The following CFAP61 variants were observed in gnomAD, a reference collection of about 807,000 sequenced individuals.
CFAP61 encodes the protein cilia and flagella associated protein 61.
CFAP61 carries 107 observed loss-of-function variants against 135.6 expected under a neutral mutation model. The ratio of observed to expected loss-of-function variants is 0.79; its 90% CI spans 0.67 to 0.93. CFAP61 has a LOEUF of 0.93. Ranked by LOEUF, CFAP61 falls within the 40% of genes least tolerant of loss-of-function variation. CFAP61 has a pLI of 0.00. For missense variants in CFAP61, 1,507 were observed against 1,556.2 expected (o/e 0.97, Z 0.53); for synonymous variants, 575 against 578.5 (o/e 0.99, Z 0.09).
intron 26 of CFAP61, among the ~76,000 whole-genome samples, chr20:20,355,757 C>G (rs1414631781): frequency 2.0e-5 from 2 of 102,496 alleles, no homozygotes; most frequent in Non-Finnish European, 3.7e-5. Flanking sequence ...ACACTATGAG[C>G]AGAGATGGTC....
intron 26 of CFAP61, among the ~76,000 whole-genome samples, chr20:20,348,883 A>G (rs192345784): frequency 6.6e-6 from 1 of 152,072 alleles, no homozygotes. Flanking sequence ...AGATAACATT[A>G]CACTCAGTAA....
intron 25 of CFAP61, among the ~76,000 whole-genome samples, chr20:20,305,112 G>T (rs112202027): frequency 2.0e-5 from 3 of 151,994 alleles, no homozygotes; most frequent in Non-Finnish European, 4.4e-5. Flanking sequence ...CCTCGCGCCC[G>T]CGCCACCACC....
At chr20:20,158,473 A>G (rs939877292) in intron 9 of CFAP61, among the ~76,000 whole-genome samples, 10 of 152,144 alleles carry the variant, frequency 6.6e-5, no homozygotes, top group African/African-American at 2.4e-4. Context: ...CTACACGTCT[A>G]TTAGAATGAC....
intron 25 of CFAP61, among the ~76,000 whole-genome samples, chr20:20,325,961 T>G (rs968274620): frequency 2.0e-5 from 3 of 152,216 alleles, no homozygotes; most frequent in Non-Finnish European, 2.9e-5. Flanking sequence ...TTGACCATTT[T>G]GGGATCAATA....
Position 20,284,507 on chromosome 20 carries a change from G to A in CFAP61, c.2797-4102G>A, listed in dbSNP as rs549161807. On this transcript the variant is annotated intron_variant, in intron 22 of 26. Coordinates refer to ENST00000245957, the MANE Select transcript of CFAP61 (RefSeq NM_015585.4). The stretch of plus-strand genomic sequence containing the variant: ...TCACCGTGTTATCCAGGATGGTCTC[G>A]ATCTCCTGACTTCGTGATCCGCCTG... Among the ~76,000 whole-genome samples the A allele has an allele frequency of 1.4e-3, 215 of 152,102 alleles. 3 individuals carry two copies. The highest frequency in any genetic ancestry group is 3.2e-3 in the Admixed American group (49 of 15,276).
intron 8 of CFAP61, among the ~76,000 whole-genome samples, chr20:20,130,673 AG>A (rs2146719313): frequency 6.6e-6 from 1 of 151,844 alleles, no homozygotes; most frequent in Admixed American, 6.5e-5. Flanking sequence ...AAACAGTCAG[AG>A]TGCCACCCAT....
intron 8 of CFAP61, among the ~76,000 whole-genome samples, chr20:20,106,000 C>CTACA (rs2048359862): frequency 1.9e-5 from 2 of 102,654 alleles, no homozygotes; most frequent in South Asian, 2.9e-4. Context: ...CTACTCTTGC[C>CTACA]TATATATATA....
chr20:20,241,433 A>G (rs1221472133), intron 18 of CFAP61, among the ~76,000 whole-genome samples: 1 of 152,224 alleles, frequency 6.6e-6, no homozygotes, highest in Non-Finnish European at 1.5e-5. Flanking sequence ...AAATGCCTCT[A>G]TCCCCCAAAA....
At position 20,089,972 on chromosome 20, in the gene CFAP61, C is replaced by T. The variant is rs557021534; in HGVS notation, c.567-872C>T. Reference sequence around the variant, plus strand: ...AGGTTAAATATTCTTTACTGTAGTGCTTCTCAGAGTCTTTAATATGTAACT... The same window carrying T: ...AGGTTAAATATTCTTTACTGTAGTGTTTCTCAGAGTCTTTAATATGTAACT... On this transcript the variant is annotated intron_variant, in intron 6 of 26. Coordinates refer to ENST00000245957, the MANE Select transcript of CFAP61 (RefSeq NM_015585.4). 2.6e-5 allele frequency among the ~76,000 whole-genome samples: 4 copies of T among 152,220 alleles called. No individual in the cohort carries two copies. In the South Asian group the frequency reaches 8.3e-4, roughly 32 times the overall value.
chr20:20,113,045 C>T (rs1472605618), intron 8 of CFAP61, among the ~76,000 whole-genome samples: 1 of 152,002 alleles, frequency 6.6e-6, no homozygotes, highest in African/African-American at 2.4e-5. Context: ...GTAATTTCTA[C>T]TTTTGTTTTA....
chr20:20,222,886 G>C (rs1317498385), intron 17 of CFAP61, among the ~76,000 whole-genome samples: 1 of 152,122 alleles, frequency 6.6e-6, no homozygotes, highest in African/African-American at 2.4e-5. Flanking sequence ...AGTTTCTCAA[G>C]GAGAAAAGAG....
intron 7 of CFAP61, among the ~76,000 whole-genome samples, chr20:20,096,545 T>C (rs1207295284): frequency 6.6e-6 from 1 of 152,272 alleles, no homozygotes; most frequent in Non-Finnish European, 1.5e-5. Context: ...CACATGCAGC[T>C]CGCTGTGAAG....
At chr20:20,068,711 T>A (rs940072593) in intron 2 of CFAP61, among the ~76,000 whole-genome samples, 2 of 152,006 alleles carry the variant, frequency 1.3e-5, no homozygotes, top group African/African-American at 2.4e-5. Flanking sequence ...GCAGGAAAAA[T>A]TTTTTGTTTT....
In CFAP61 at chr20:20,198,974, C is replaced by T. The variant is rs143451725; in HGVS notation, c.1798-794C>T. ...TTCAGATTTAAATGGTTACGATGTCCTTAGTTCATTTCACCAAAACCCCTA... is the reference window on the plus strand; with the variant it reads ...TTCAGATTTAAATGGTTACGATGTCTTTAGTTCATTTCACCAAAACCCCTA... On this transcript the variant is annotated intron_variant, in intron 16 of 26. Coordinates refer to ENST00000245957, the MANE Select transcript of CFAP61 (RefSeq NM_015585.4). Among the ~76,000 whole-genome samples the T allele has an allele frequency of 3.1e-3, 477 of 152,216 alleles. 3 individuals are homozygous for T. The highest frequency in any genetic ancestry group is 0.011 in the African/African-American group (450 of 41,548).
chr20:20,277,305 G>A lies in CFAP61; in HGVS notation c.2643G>A (p.Ser881=), dbSNP rs760290786. ...CCATCACCTGCATCAACAACTACTCGGTGGAGAGCGCCGTGGCGGACGCGC... is the reference window on the plus strand; with the variant it reads ...CCATCACCTGCATCAACAACTACTCAGTGGAGAGCGCCGTGGCGGACGCGC... ...ASTITCINNY[S]VESAVADALG... Residue 881 remains serine, a synonymous_variant, in exon 22 of 27, where the codon TCG becomes TCA. Transcript: ENST00000245957. The A allele has an allele frequency of 6.2e-6, 10 of 1,614,150 alleles. No individual in the cohort carries two copies. Among genetic ancestry groups the A allele is most frequent in the African/African-American group, 5.3e-5 (4 of 75,034 alleles).
At chr20:20,052,696 C>T in intron 1 of CFAP61, 105 bp downstream of exon 1, 1 of 1,612,190 alleles carries the variant, frequency 6.2e-7, no homozygotes, top group Non-Finnish European at 8.5e-7. Flanking sequence ...CAGGCGAGGA[C>T]GAGTGGCTCT....
At chr20:20,118,290 TTTCTTTCTTTC>T (rs374592920) in intron 8 of CFAP61, among the ~76,000 whole-genome samples, 11,243 of 122,710 alleles carry the variant, frequency 0.092, 481 homozygotes, top group Middle Eastern at 0.15. Context: ...TCTTTCTTTC[TTTCTTTCTTTC>T]TTTCTTTTCT....
intron 18 of CFAP61, among the ~76,000 whole-genome samples, chr20:20,229,107 C>T (rs1248231887): frequency 1.3e-5 from 2 of 152,208 alleles, no homozygotes; most frequent in Non-Finnish European, 2.9e-5. Flanking sequence ...TCATCCCCCT[C>T]AAAGCACTAA....
chr20:20,081,353 GCTTAATTAAGGA>G (rs1478848215), intron 6 of CFAP61, among the ~76,000 whole-genome samples: 2 of 152,182 alleles, frequency 1.3e-5, no homozygotes, highest in Non-Finnish European at 2.9e-5. Context: ...GGTATGTAGG[GCTTAATTAAGGA>G]CTTTCAACTT....
Sources: allele counts gnomAD v4.1 joint callset (sites outside exome capture counted in the v4.1 genomes callset), GRCh38; gene constraint gnomAD v4.1.1; transcripts MANE v1.5; gene names NCBI Gene and HGNC (gene_info 2026-07-23, HGNC 2026-07-21).